Variants in TET1 observed in about 807,000 individuals in gnomAD.
TET1 encodes the protein methylcytosine dioxygenase TET1.
Under a neutral mutation model 148.7 loss-of-function variants are expected in TET1, and 13 were observed. The observed-to-expected ratio is 0.09, with a 90% confidence interval of 0.06 to 0.14. The LOEUF (loss-of-function observed/expected upper bound fraction) is 0.14, where lower values mean the gene tolerates loss of function less well. TET1 is among the 10% of genes least tolerant of loss of function. The pLI, the probability that TET1 is intolerant of heterozygous loss-of-function variation, is 1.00. For missense variants in TET1, 2,182 were observed against 2,553.8 expected (o/e 0.85, Z 3.14); for synonymous variants, 907 against 937.2 (o/e 0.97, Z 0.59).
chr10:68,669,228 A>G (rs895957956), intron 7 of TET1, among the ~76,000 whole-genome samples: 1 of 134,038 alleles, frequency 7.5e-6, no homozygotes, highest in Non-Finnish European at 1.6e-5. Flanking sequence ...GAGCATGATC[A>G]AGTCTTCCCC....
intron 1 of TET1, among the ~76,000 whole-genome samples, chr10:68,562,437 A>G (rs1221863307): frequency 2.0e-5 from 3 of 151,440 alleles, no homozygotes; most frequent in African/African-American, 4.8e-5. Flanking sequence ...CCAAGAATCA[A>G]AAGACTTAGG....
chr10:68,639,894 C>T (rs958736728), intron 3 of TET1, among the ~76,000 whole-genome samples: 1 of 152,034 alleles, frequency 6.6e-6, no homozygotes, highest in African/African-American at 2.4e-5. Flanking sequence ...AAATGAGACT[C>T]CTCTTTCTGC....
chr10:68,613,857 G>A (rs1487073734), intron 3 of TET1, among the ~76,000 whole-genome samples: 1 of 151,612 alleles, frequency 6.6e-6, no homozygotes, highest in African/African-American at 2.4e-5. Context: ...AGAATCGCTT[G>A]AACCCGGGAG....
intron 8 of TET1, chr10:68,675,008 T>C (rs2133202262): frequency 7.3e-6 from 3 of 410,230 alleles, no homozygotes; most frequent in East Asian, 6.5e-5. Flanking sequence ...TGGAGCTTTA[T>C]GGTGAAGGTA....
chr10:68,686,070 T>C (rs1309368925), intron 10 of TET1, among the ~76,000 whole-genome samples: 2 of 152,220 alleles, frequency 1.3e-5, no homozygotes, highest in Admixed American at 1.3e-4. Context: ...AGATGAAATG[T>C]AACAAGAATG....
intron 2 of TET1, among the ~76,000 whole-genome samples, chr10:68,575,247 G>A (rs530439549): frequency 6.6e-6 from 1 of 152,124 alleles, no homozygotes; most frequent in South Asian, 2.1e-4. Flanking sequence ...AGCTGGGCGT[G>A]GTGGCGGGTG....
At chr10:68,624,693 TC>T (rs1472526160) in intron 3 of TET1, among the ~76,000 whole-genome samples, 8 of 129,642 alleles carry the variant, frequency 6.2e-5, no homozygotes, top group South Asian at 2.6e-4. Context: ...TCTCTCTCTC[TC>T]TCTTTCTTTC....
At chr10:68,588,145 G>T (rs1334843510) in intron 2 of TET1, among the ~76,000 whole-genome samples, 2 of 152,054 alleles carry the variant, frequency 1.3e-5, no homozygotes, top group Admixed American at 6.6e-5. Flanking sequence ...TACAGGCGTC[G>T]GCCACCTTGC....
In TET1 at chr10:68,645,273, T is replaced by G. The variant is rs1480841047; in HGVS notation, c.2544T>G (p.Ser848Arg). ...SSHSIINHHA[S>R]IHNEGDQPKT... ...ACTCCATCATAAATCATCATGCTAG[T>G]ATACACAATGAAGGTGATCAACCAA... Residue 848 changes from serine (S) to arginine (R), a missense_variant, in exon 4 of 12, where the codon AGT (serine) becomes AGG (arginine). This residue lies in a region of TET1 where 582 missense variants were observed against 599.5 expected (regional missense o/e 0.97). Transcript: ENST00000373644. 3.7e-6 allele frequency: 6 copies of G among 1,614,148 alleles called. No homozygotes were observed. Among genetic ancestry groups the G allele is most frequent in the Non-Finnish European group, 5.1e-6 (6 of 1,180,038 alleles).
chr10:68,652,386 A>T, intron 5 of TET1, 115 bp from the exon 6 acceptor site: 1 of 614,110 alleles, frequency 1.6e-6, no homozygotes, highest in Non-Finnish European at 2.6e-6. Context: ...AGAGTGTCTA[A>T]TTTTTGAACT....
At chr10:68,583,485 A>T (rs139805376) in intron 2 of TET1, among the ~76,000 whole-genome samples, 1 of 152,338 alleles carries the variant, frequency 6.6e-6, no homozygotes, top group Non-Finnish European at 1.5e-5. Context: ...GCTAATTATC[A>T]TCAGCTTTTC....
intron 3 of TET1, among the ~76,000 whole-genome samples, chr10:68,631,176 A>T (rs1161818769): frequency 6.6e-6 from 1 of 150,912 alleles, no homozygotes; most frequent in East Asian, 1.9e-4. Flanking sequence ...ACTTTGTCAC[A>T]AAAAACAAAA....
intron 3 of TET1, among the ~76,000 whole-genome samples, chr10:68,642,450 A>G (rs1163938912): frequency 6.6e-6 from 1 of 152,028 alleles, no homozygotes; most frequent in Non-Finnish European, 1.5e-5. Flanking sequence ...AAAAGAAAAT[A>G]AAGTAGATAA....
In TET1 at chr10:68,684,489, A is replaced by G. The variant is rs558027022; in HGVS notation, c.5052+1516A>G. Among the ~76,000 whole-genome samples the G allele has an allele frequency of 4.0e-3, 613 of 151,932 alleles. 4 individuals carry two copies. Among genetic ancestry groups the G allele is most frequent in the African/African-American group, 0.014 (576 of 41,422 alleles). On this transcript the variant is annotated intron_variant, in intron 10 of 11. Transcript: ENST00000373644. ...ATATAAATCCAGCCTGGTAAATACT[A>G]GCCAGGCAGTGGTTCATCACCATCA...
chr10:68,630,760 T>C (rs1052564599), intron 3 of TET1, among the ~76,000 whole-genome samples: 2 of 152,122 alleles, frequency 1.3e-5, no homozygotes, highest in Non-Finnish European at 2.9e-5. Flanking sequence ...GTGGAGAGAT[T>C]GGACAGAGGG....
intron 3 of TET1, among the ~76,000 whole-genome samples, chr10:68,639,507 C>T (rs1041900167): frequency 5.3e-5 from 8 of 151,472 alleles, no homozygotes; most frequent in African/African-American, 1.5e-4. Flanking sequence ...CAGGGTCTCT[C>T]GCCCAGGCTG....
intron 2 of TET1, among the ~76,000 whole-genome samples, chr10:68,586,729 T>C (rs1403346961): frequency 6.6e-6 from 1 of 152,116 alleles, no homozygotes; most frequent in Non-Finnish European, 1.5e-5. Flanking sequence ...AGAATTTAGT[T>C]ATTTCCTATA....
intron 1 of TET1, among the ~76,000 whole-genome samples, chr10:68,561,673 CCT>C (rs1426695915): frequency 1.3e-5 from 2 of 151,472 alleles, no homozygotes; most frequent in African/African-American, 2.4e-5. Flanking sequence ...AAAATGCTCT[CCT>C]CTCTCTCTGT....
At chr10:68,679,333 T>C (rs1320355496) in intron 8 of TET1, among the ~76,000 whole-genome samples, 1 of 152,226 alleles carries the variant, frequency 6.6e-6, no homozygotes, top group Non-Finnish European at 1.5e-5. Flanking sequence ...CTTGTGACTC[T>C]GTGTGGTCCA....
Sources: allele counts gnomAD v4.1 joint callset (sites outside exome capture counted in the v4.1 genomes callset), GRCh38; gene constraint gnomAD v4.1.1; regional missense constraint gnomAD v4.1.1; transcripts MANE v1.5; gene names NCBI Gene and HGNC (gene_info 2026-07-23, HGNC 2026-07-21).